TMEM132D: variants seen among roughly 807,000 people sequenced by gnomAD.
The protein encoded by TMEM132D is transmembrane protein 132D.
Under a neutral mutation model 62.3 loss-of-function variants are expected in TMEM132D, and 21 were observed. The ratio of observed to expected loss-of-function variants is 0.34; its 90% CI spans 0.24 to 0.49. The LOEUF is 0.49. Ranked by LOEUF, TMEM132D falls within the 20% of genes least tolerant of loss-of-function variation. The pLI, the probability that TMEM132D is intolerant of heterozygous loss-of-function variation, is 0.99. For synonymous variants in TMEM132D, 621 were observed against 575.6 expected, an observed-to-expected ratio of 1.08 and a Z score of -1.13; for missense variants, 1,346 against 1,402.8, an observed-to-expected ratio of 0.96 and a Z score of 0.65.
chr12:129,186,596 G>C (rs866489027), intron 5 of TMEM132D, among the ~76,000 whole-genome samples: 11 of 152,298 alleles, frequency 7.2e-5, no homozygotes, highest in Non-Finnish European at 2.9e-5. Flanking sequence ...CCTGGAGCCA[G>C]ACTGCCTGGG....
At chr12:129,269,665 G>C (rs1335005745) in intron 4 of TMEM132D, among the ~76,000 whole-genome samples, 9 of 151,460 alleles carry the variant, frequency 5.9e-5, no homozygotes, top group Non-Finnish European at 1.2e-4. Flanking sequence ...TGAGCCTGGA[G>C]ACCTTCTCAC....
In TMEM132D at chr12:129,827,684, C is replaced by T. The variant is rs1872697709; in HGVS notation, c.79+75577G>A. 6.6e-6 allele frequency among the ~76,000 whole-genome samples: 1 copy of T among 152,140 alleles called. No individual in the cohort carries two copies. The highest frequency in any genetic ancestry group is 2.4e-5 in the African/African-American group (1 of 41,410). On this transcript the variant is annotated intron_variant, in intron 1 of 8. Transcript: ENST00000422113. This position sits in a 1 kb window ranked among gnomAD's most constrained non-coding sequence, Gnocchi z 9.7. The stretch of plus-strand genomic sequence containing the variant: ...TTAACAAACAAATTCCAGCAAGTCT[C>T]AAGTGTAAAAAGGTGTCTGAGGAAG...
chr12:129,430,750 T>C (rs1366724310), intron 3 of TMEM132D, among the ~76,000 whole-genome samples: 1 of 152,228 alleles, frequency 6.6e-6, no homozygotes, highest in Non-Finnish European at 1.5e-5. Context: ...CTGGTGAACT[T>C]GGCCTTCCCT....
intron 2 of TMEM132D, among the ~76,000 whole-genome samples, chr12:129,594,742 C>T (rs1006575880): frequency 7.2e-5 from 11 of 152,104 alleles, no homozygotes; most frequent in Admixed American, 3.9e-4. Flanking sequence ...TGTAAGTTCC[C>T]GGTAGCAGGA....
intron 3 of TMEM132D, among the ~76,000 whole-genome samples, chr12:129,340,244 C>CT (rs1274548409): frequency 6.6e-6 from 1 of 152,060 alleles, no homozygotes; most frequent in Non-Finnish European, 1.5e-5. Flanking sequence ...GCAACAAGGT[C>CT]TTTTTTCAGC....
At chr12:129,471,323 T>C (rs1353689982) in intron 3 of TMEM132D, among the ~76,000 whole-genome samples, 1 of 152,168 alleles carries the variant, frequency 6.6e-6, no homozygotes, top group Non-Finnish European at 1.5e-5. Flanking sequence ...CACATTTTGA[T>C]AATTCATGCA....
At chr12:129,784,576 T>C (rs7316914) in intron 1 of TMEM132D, among the ~76,000 whole-genome samples, 9,078 of 152,286 alleles carry the variant, frequency 0.06, 324 homozygotes, top group East Asian at 0.1. Context: ...GTATAAAGCC[T>C]ATATAATTTC....
intron 4 of TMEM132D, among the ~76,000 whole-genome samples, chr12:129,318,535 C>T (rs1868565698): frequency 6.6e-6 from 1 of 152,074 alleles, no homozygotes; most frequent in South Asian, 2.1e-4. Flanking sequence ...AGTGGCTGTT[C>T]CAGTGGAGGT....
intron 5 of TMEM132D, among the ~76,000 whole-genome samples, chr12:129,096,516 A>G (rs1186945928): frequency 6.6e-6 from 1 of 152,132 alleles, no homozygotes; most frequent in African/African-American, 2.4e-5. Context: ...AAGTGGCCAG[A>G]CCCTTGAACC....
intron 3 of TMEM132D, among the ~76,000 whole-genome samples, chr12:129,434,730 C>T (rs917824530): frequency 6.6e-6 from 1 of 151,986 alleles, no homozygotes; most frequent in Non-Finnish European, 1.5e-5. Context: ...TGGATACATG[C>T]ATACTTTGCA....
At chr12:129,475,436 A>G (rs1035968137) in intron 3 of TMEM132D, among the ~76,000 whole-genome samples, 15 of 152,236 alleles carry the variant, frequency 9.9e-5, no homozygotes, top group Admixed American at 4.6e-4. Flanking sequence ...TCCTCAATCT[A>G]TAAAAGATAG....
intron 1 of TMEM132D, among the ~76,000 whole-genome samples, chr12:129,747,983 G>T (rs970738077): frequency 6.6e-6 from 1 of 152,188 alleles, no homozygotes; most frequent in African/African-American, 2.4e-5. Context: ...TTTGGGCACT[G>T]TCTGTTCCCC....
At chr12:129,703,523 G>A (rs1203177587) in intron 1 of TMEM132D, among the ~76,000 whole-genome samples, 4 of 150,716 alleles carry the variant, frequency 2.7e-5, no homozygotes, top group Non-Finnish European at 5.9e-5. Context: ...ACGATGCACA[G>A]AATGAACGAA....
intron 3 of TMEM132D, among the ~76,000 whole-genome samples, chr12:129,429,837 G>A (rs191833005): frequency 1.3e-5 from 2 of 150,408 alleles, no homozygotes; most frequent in African/African-American, 2.4e-5. Flanking sequence ...GCGGTGTTTG[G>A]TTTTTTGTCC....
chr12:129,781,896 A>C (rs1488408980), intron 1 of TMEM132D, among the ~76,000 whole-genome samples: 1 of 152,242 alleles, frequency 6.6e-6, no homozygotes, highest in Non-Finnish European at 1.5e-5. Context: ...ATTAGCAGTC[A>C]CATTTACACT....
At chr12:129,490,631 T>TTTTTTTTTTTTTTTTTTTTTG (rs1874759284) in intron 3 of TMEM132D, among the ~76,000 whole-genome samples, 1 of 120,892 alleles carries the variant, frequency 8.3e-6, no homozygotes, top group African/African-American at 3.0e-5. Flanking sequence ...TTTTTTGTAT[T>TTTTTTTTTTTTTTTTTTTTTG]TTTAGTAGAG....
At chr12:129,269,134 C>T (rs979783544) in intron 4 of TMEM132D, among the ~76,000 whole-genome samples, 5 of 152,018 alleles carry the variant, frequency 3.3e-5, no homozygotes, top group Admixed American at 6.5e-5. Context: ...CAGACCTGCA[C>T]GTTGTGCACA....
intron 2 of TMEM132D, among the ~76,000 whole-genome samples, chr12:129,647,703 GC>G (rs1879824117): frequency 6.6e-6 from 1 of 152,044 alleles, no homozygotes; most frequent in African/African-American, 2.4e-5. Context: ...CTTATTGGCT[GC>G]TGGTATTTTT....
chr12:129,881,627 T>C (rs1874600319), intron 1 of TMEM132D, among the ~76,000 whole-genome samples: 2 of 151,942 alleles, frequency 1.3e-5, no homozygotes, highest in Admixed American at 1.3e-4. Flanking sequence ...TAAGGGACAT[T>C]AGGACACAGA....
Sources: allele counts gnomAD v4.1 joint callset (sites outside exome capture counted in the v4.1 genomes callset), GRCh38; gene constraint gnomAD v4.1.1; non-coding constraint Gnocchi (gnomAD v3.1); transcripts MANE v1.5; gene names NCBI Gene and HGNC (gene_info 2026-07-23, HGNC 2026-07-21).